ANGPTL5: variants seen among roughly 807,000 people sequenced by gnomAD.
ANGPTL5 encodes angiopoietin like 5.
A neutral mutation model predicts 39.4 loss-of-function variants in ANGPTL5; 34 were observed. That is an observed-to-expected ratio of 0.86 (90% CI 0.66 to 1.15). ANGPTL5 has a LOEUF of 1.15. Among genes scored for constraint, ANGPTL5 ranks in the 50% most tolerant of loss-of-function variants. The pLI, the probability that ANGPTL5 is intolerant of heterozygous loss-of-function variation, is 0.00. For missense variants in ANGPTL5, 467 were observed against 457.5 expected (o/e 1.02, Z -0.19); for synonymous variants, 146 against 152.1 (o/e 0.96, Z 0.29).
At chr11:101,907,706 T>C (rs958406280) in intron 2 of ANGPTL5, 108 bp downstream of exon 2, 89 of 758,524 alleles carry the variant, frequency 1.2e-4, no homozygotes, top group Middle Eastern at 3.8e-4. Flanking sequence ...TTTTAATTGT[T>C]CCATAAATTA....
rs1293045546 is a variant in ANGPTL5, at chr11:101,900,507, A to T, written c.584T>A (p.Ile195Lys). 6.2e-7 allele frequency: 1 copy of T among 1,612,818 alleles called. No homozygotes were observed. The highest frequency in any genetic ancestry group is 8.5e-7 in the Non-Finnish European group (1 of 1,178,940). ...MDYRGGGRTV[I>K]QKRIDGIIDF... ...AATTATCCCATCAATTCTTTTCTGT[A>T]TCACAGTCCGTCCACCTCCTCTGTA... The change falls in exon 7 of 9, where the codon ATA becomes AAA. Residue 195 changes from isoleucine (I) to lysine (K), a missense_variant. By Grantham distance (102) the Ile-to-Lys change is moderately radical (BLOSUM62 -3). Coordinates refer to ENST00000334289, the MANE Select transcript of ANGPTL5 (RefSeq NM_178127.5).
At chr11:101,899,527 T>C (rs1250839014) in intron 7 of ANGPTL5, among the ~76,000 whole-genome samples, 1 of 152,240 alleles carries the variant, frequency 6.6e-6, no homozygotes, top group Non-Finnish European at 1.5e-5. Flanking sequence ...GTAAGGAAGA[T>C]GGCAAAGCCT....
At chr11:101,894,820 T>C in intron 8 of ANGPTL5, 59 bp downstream of exon 8, 1 of 1,425,026 alleles carries the variant, frequency 7.0e-7, no homozygotes, top group African/African-American at 1.4e-5. Flanking sequence ...TATCTTCACT[T>C]AATAATGAGT....
In ANGPTL5 at chr11:101,900,417, CA is replaced by C. The variant is rs77717864; in HGVS notation, c.661+12del. On this transcript the variant is annotated intron_variant, in intron 7 of 8. Transcript: ENST00000334289. ...GAGTAAACAATGTAGAGTAGAAATACAAAAAAATTAACCTAGAAGATCTCCA... is the reference window on the plus strand; with the variant it reads ...GAGTAAACAATGTAGAGTAGAAATACAAAAAATTAACCTAGAAGATCTCCA... The C allele has an allele frequency of 1.2e-6, 2 of 1,611,260 alleles. No homozygotes were observed. The highest frequency in any genetic ancestry group is 1.3e-5 in the African/African-American group (1 of 74,960).
At chr11:101,902,501 T>C in intron 6 of ANGPTL5, 120 bp downstream of exon 6, 1 of 873,032 alleles carries the variant, frequency 1.1e-6, no homozygotes, top group South Asian at 1.7e-5. Context: ...ACCTAATTTA[T>C]TTAAAATTTT....
rs777011745 is a variant in ANGPTL5 at position 101,891,504 on chromosome 11, G to A, written c.942C>T (p.Cys314=). Residue 314 remains cysteine (C), a synonymous_variant, in exon 9 of 9, where the codon TGC becomes TGT. Coordinates refer to ENST00000334289, the MANE Select transcript of ANGPTL5 (RefSeq NM_178127.5). The part of the protein sequence containing the change: ...DVDNDGCRPA[C]LVNGQSVKSC... The stretch of plus-strand genomic sequence containing the variant: ...TCTTCACAGACTGACCATTGACCAG[G>A]CATGCAGGGCGACACCCATCATTAT... 1.9e-6 allele frequency: 3 copies of A among 1,614,022 alleles called. No individual in the cohort carries two copies. Among genetic ancestry groups the A allele is most frequent in the Non-Finnish European group, 2.5e-6 (3 of 1,179,970 alleles).
chr11:101,899,703 C>A (rs1939860962), intron 7 of ANGPTL5, among the ~76,000 whole-genome samples: 1 of 152,204 alleles, frequency 6.6e-6, no homozygotes, highest in African/African-American at 2.4e-5. Flanking sequence ...GCATTTTTAG[C>A]ACTAGGACTG....
chr11:101,900,286 G>T, intron 7 of ANGPTL5, 144 bp downstream of exon 7: 1 of 753,362 alleles, frequency 1.3e-6, no homozygotes, highest in Non-Finnish European at 2.1e-6. Context: ...AAATAATCTG[G>T]CATATGAAAA....
chr11:101,907,309 A>G, intron 2 of ANGPTL5, 62 bp from the exon 3 acceptor site: 2 of 1,052,934 alleles, frequency 1.9e-6, no homozygotes, highest in East Asian at 2.7e-5. Context: ...GACCTAATAC[A>G]TAATAAAAAA....
rs1473543248 is a variant in ANGPTL5 at position 101,902,707 on chromosome 11, CA to C, written c.453del (p.Asp152IlefsTer18). The C allele has an allele frequency of 6.2e-7, 1 of 1,609,742 alleles. No homozygotes were observed. Among genetic ancestry groups the C allele is most frequent in the African/African-American group, 1.3e-5 (1 of 74,808 alleles). ...ACAGAGCCAATGGTATCCTTAATAT[CA>C]GTGCAATCTAAACCTAGAAAAGCAA... The part of the protein sequence containing the change: ...RPVQSHGLDC[T>X]DIKDTIGSVT... On this transcript the variant is annotated frameshift_variant, in exon 6 of 9. Transcript: ENST00000334289. LOFTEE classifies it high-confidence loss of function.
chr11:101,892,136 T>C (rs1207524018), intron 8 of ANGPTL5, among the ~76,000 whole-genome samples: 1 of 152,174 alleles, frequency 6.6e-6, no homozygotes, highest in Non-Finnish European at 1.5e-5. Context: ...GGTGTACCTT[T>C]TCTTCACGGC....
At chr11:101,898,630 CTTTA>C (rs1939840886) in intron 7 of ANGPTL5, among the ~76,000 whole-genome samples, 2 of 152,176 alleles carry the variant, frequency 1.3e-5, no homozygotes, top group Non-Finnish European at 2.9e-5. Context: ...ATTGAATACC[CTTTA>C]TTTATTTCTC....
chr11:101,897,312 T>G (rs1939816711), intron 7 of ANGPTL5, among the ~76,000 whole-genome samples: 1 of 152,226 alleles, frequency 6.6e-6, no homozygotes. Context: ...GGTTGCCTAT[T>G]CACTCTGATG....
At chr11:101,903,254 T>C (rs113349893) in intron 5 of ANGPTL5, among the ~76,000 whole-genome samples, 31 of 152,266 alleles carry the variant, frequency 2.0e-4, no homozygotes, top group African/African-American at 7.5e-4. Context: ...CAAGAAATTA[T>C]GCCTGATGTT....
At chr11:101,898,787 T>C (rs1939843063) in intron 7 of ANGPTL5, among the ~76,000 whole-genome samples, 1 of 152,226 alleles carries the variant, frequency 6.6e-6, no homozygotes, top group Non-Finnish European at 1.5e-5. Context: ...GGGTTTGTCA[T>C]AAATAGCTCT....
chr11:101,891,577 T>C lies in ANGPTL5; in HGVS notation c.869A>G (p.Lys290Arg). 17 of 1,613,980 alleles carry C rather than the reference T, an allele frequency of 1.1e-5. No individual in the cohort carries two copies. The highest frequency in any genetic ancestry group is 2.2e-5 in the East Asian group (1 of 44,888). ...CATTGCATTTTGATTATCTTCTTTT[T>C]TGAGACCCCGGAATGCATCACCTGG... ...GNAGDAFRGLKKEDNQNAMPF... is the reference protein window; with the variant it reads ...GNAGDAFRGLRKEDNQNAMPF... Residue 290 changes from lysine (K) to arginine (R), a missense_variant, in exon 9 of 9, where the codon AAA becomes AGA. Coordinates refer to ENST00000334289, the MANE Select transcript of ANGPTL5 (RefSeq NM_178127.5).
At chr11:101,900,349 A>C in intron 7 of ANGPTL5, 81 bp downstream of exon 7, 172 of 1,317,194 alleles carry the variant, frequency 1.3e-4, no homozygotes, top group Middle Eastern at 3.7e-4. Context: ...TATTTTTACT[A>C]CAGATCTGAC....
At chr11:101,911,594 CTT>C (rs1274849808) in intron 1 of ANGPTL5, among the ~76,000 whole-genome samples, 1 of 152,140 alleles carries the variant, frequency 6.6e-6, no homozygotes, top group African/African-American at 2.4e-5. Context: ...TCCCCTCTCT[CTT>C]TCAGTCCTGC....
chr11:101,915,358 G>GA (rs1940182454), intron 1 of ANGPTL5: 1 of 1,613,864 alleles, frequency 6.2e-7, no homozygotes, highest in Non-Finnish European at 8.5e-7. Flanking sequence ...AACCTCGACA[G>GA]AGCCCCCCTC....
Sources: gnomAD v4.1 joint callset for allele counts (sites outside exome capture counted in the v4.1 genomes callset) on GRCh38, gnomAD v4.1.1 for gene constraint, MANE v1.5 for transcripts, NCBI Gene and HGNC (gene_info 2026-07-23, HGNC 2026-07-21) for gene names.